Variants in HECW1 observed in about 807,000 individuals in gnomAD.
The protein encoded by HECW1 is E3 ubiquitin-protein ligase HECW1.
In HECW1, 61 loss-of-function variants were observed where a neutral mutation model predicts 182.3. The observed-to-expected ratio is 0.33, with a 90% CI of 0.27 to 0.41. HECW1 has a LOEUF of 0.41. Among genes scored for constraint, HECW1 ranks in the 10% least tolerant of loss-of-function variants. The pLI, the probability that HECW1 is intolerant of heterozygous loss-of-function variation, is 1.00. For missense variants in HECW1, 1,739 were observed against 2,108.9 expected (o/e 0.82, Z 3.44); for synonymous variants, 859 against 832.6 (o/e 1.03, Z -0.55).
At chr7:43,426,022 G>T (rs2076353153) in intron 8 of HECW1, among the ~76,000 whole-genome samples, 1 of 152,134 alleles carries the variant, frequency 6.6e-6, no homozygotes, top group African/African-American at 2.4e-5. Context: ...AAGGATTATG[G>T]CTGCATTGTT....
chr7:43,268,168 T>A (rs7803038), intron 3 of HECW1, among the ~76,000 whole-genome samples: 1 of 152,058 alleles, frequency 6.6e-6, no homozygotes, highest in Admixed American at 6.5e-5. Flanking sequence ...GTGTGCAGAG[T>A]CTCTGCCCTC....
At chr7:43,114,781 A>G (rs1157805210) in intron 2 of HECW1, among the ~76,000 whole-genome samples, 1 of 152,082 alleles carries the variant, frequency 6.6e-6, no homozygotes, top group Non-Finnish European at 1.5e-5. Context: ...AAGTTTGTTT[A>G]GATTGTGACA....
chr7:43,338,661 T>A (rs1012671573), intron 5 of HECW1, among the ~76,000 whole-genome samples: 3 of 152,190 alleles, frequency 2.0e-5, no homozygotes, highest in Non-Finnish European at 4.4e-5. Context: ...CACAGAAAAG[T>A]GCACAAATTT....
rs957150949 is a variant in HECW1, at chr7:43,432,288, C to G, written c.802-5715C>G. Among the ~76,000 whole-genome samples the G allele has an allele frequency of 1.3e-5, 2 of 151,536 alleles. No individual in the cohort carries two copies. Among genetic ancestry groups the G allele is most frequent in the African/African-American group, 4.9e-5 (2 of 41,228 alleles). On this transcript the variant is annotated intron_variant, in intron 8 of 29. Transcript: ENST00000395891. The surrounding 1 kb of genome is among the most constrained non-coding windows in gnomAD (Gnocchi z 4.1). ...CCAAGTAGCTGGGACTACAGGCGCC[C>G]GCCACTACACCCGGCTAATTTTTTG...
intron 3 of HECW1, among the ~76,000 whole-genome samples, chr7:43,280,055 A>T (rs1803688688): frequency 6.6e-6 from 1 of 152,204 alleles, no homozygotes; most frequent in African/African-American, 2.4e-5. Flanking sequence ...GGGTGGTCTC[A>T]GCATGGAAAG....
At chr7:43,544,892 A>T (rs192174736) in intron 26 of HECW1, among the ~76,000 whole-genome samples, 231 of 152,328 alleles carry the variant, frequency 1.5e-3, no homozygotes, top group African/African-American at 5.2e-3. Flanking sequence ...TGGCATGAAA[A>T]ATGTCTAAGA....
At chr7:43,320,844 G>A in intron 5 of HECW1, 102 bp downstream of exon 5, 1 of 846,882 alleles carries the variant, frequency 1.2e-6, no homozygotes, top group Non-Finnish European at 2.0e-6. Context: ...TAAGAAATGG[G>A]CCCTCTAAAA....
At chr7:43,244,120 C>A (rs1405798387) in intron 3 of HECW1, among the ~76,000 whole-genome samples, 188 bp downstream of exon 3, 2 of 152,140 alleles carry the variant, frequency 1.3e-5, no homozygotes, top group Non-Finnish European at 2.9e-5. Flanking sequence ...CCCCAGAATT[C>A]GACTGTGCTC....
At chr7:43,160,246 A>G (rs896007620) in intron 2 of HECW1, among the ~76,000 whole-genome samples, 4 of 152,166 alleles carry the variant, frequency 2.6e-5, no homozygotes, top group African/African-American at 9.7e-5. Context: ...CCTTTTATAC[A>G]TATTTTCAAT....
intron 3 of HECW1, among the ~76,000 whole-genome samples, chr7:43,296,801 C>T (rs1806113436): frequency 6.6e-6 from 1 of 152,202 alleles, no homozygotes; most frequent in African/African-American, 2.4e-5. Flanking sequence ...TTGCGGCCTC[C>T]ACAGCTCTGC....
intron 8 of HECW1, among the ~76,000 whole-genome samples, chr7:43,423,864 T>C (rs1332265479): frequency 6.6e-6 from 1 of 152,180 alleles, no homozygotes; most frequent in Non-Finnish European, 1.5e-5. Context: ...AGTGACATCC[T>C]GTAAGACTGA....
At chr7:43,216,167 A>G (rs1374450422) in intron 2 of HECW1, among the ~76,000 whole-genome samples, 1 of 151,876 alleles carries the variant, frequency 6.6e-6, no homozygotes, top group Non-Finnish European at 1.5e-5. Context: ...TTTTTTTGAG[A>G]CAGAGTCTTG....
In HECW1 at chr7:43,173,231, C is replaced by T. The variant is rs559557638; in HGVS notation, c.-32+58840C>T. 1.8e-3 allele frequency among the ~76,000 whole-genome samples: 267 copies of T among 151,924 alleles called. 1 individual carries two copies. Among genetic ancestry groups the T allele is most frequent in the Middle Eastern group, 0.014 (4 of 294 alleles). Reference sequence around the variant, plus strand: ...ACCTGCAAATGGTGACTAAAAAAGACGCAGAGGAAAATTAAAGGGCCACTT... The same window carrying T: ...ACCTGCAAATGGTGACTAAAAAAGATGCAGAGGAAAATTAAAGGGCCACTT... On this transcript the variant is annotated intron_variant, in intron 2 of 29. Coordinates refer to ENST00000395891, the MANE Select transcript of HECW1 (RefSeq NM_015052.5).
chr7:43,332,942 A>G (rs1811681478), intron 5 of HECW1, among the ~76,000 whole-genome samples: 1 of 152,202 alleles, frequency 6.6e-6, no homozygotes, highest in African/African-American at 2.4e-5. Context: ...CCGGTCCCAT[A>G]GTCACAGGTA....
chr7:43,196,444 C>G (rs530004515), intron 2 of HECW1, among the ~76,000 whole-genome samples: 1 of 152,224 alleles, frequency 6.6e-6, no homozygotes, highest in East Asian at 1.9e-4. Context: ...TCAATTGTTC[C>G]GTTTTGCATA....
intron 2 of HECW1, among the ~76,000 whole-genome samples, chr7:43,223,523 G>A (rs1175696779): frequency 6.6e-6 from 1 of 152,102 alleles, no homozygotes; most frequent in Non-Finnish European, 1.5e-5. Context: ...GGAGGCCGAG[G>A]CAGGAGAATC....
At chr7:43,141,877 G>A (rs773998304) in intron 2 of HECW1, among the ~76,000 whole-genome samples, 2 of 152,210 alleles carry the variant, frequency 1.3e-5, no homozygotes, top group African/African-American at 4.8e-5. Context: ...CAGCATGGGT[G>A]TACTGGCGAC....
Position 43,327,617 on chromosome 7 carries a change from T to G in HECW1, c.460+6875T>G, listed in dbSNP as rs544760435. Among the ~76,000 whole-genome samples the G allele has an allele frequency of 3.9e-5, 6 of 152,314 alleles. 1 individual carries two copies. Among genetic ancestry groups the G allele is most frequent in the African/African-American group, 1.2e-4 (5 of 41,576 alleles). The stretch of plus-strand genomic sequence containing the variant: ...ACCTCGTACTCATGTTGGTCTTCCC[T>G]TCGTTATTTCCTTCCAGTTTTGCTT... On this transcript the variant is annotated intron_variant, in intron 5 of 29. Coordinates refer to ENST00000395891, the MANE Select transcript of HECW1 (RefSeq NM_015052.5).
Position 43,501,202 on chromosome 7 carries a change from T to TTTAAAA in HECW1, c.3522-10_3522-9insTAAAAT. ...TTCTTTCTTTTTTTTTTTTTTTTTT[T>TTTAAAA]TCATATGCAGTCTCTTTGAAGAAGA... On this transcript the variant is annotated splice_polypyrimidine_tract_variant and intron_variant, in intron 20 of 29. Coordinates refer to ENST00000395891, the MANE Select transcript of HECW1 (RefSeq NM_015052.5). 8.4e-7 allele frequency: 1 copy of TTTAAAA among 1,184,180 alleles called. No individual in the cohort carries two copies. Among genetic ancestry groups the TTTAAAA allele is most frequent in the Non-Finnish European group, 1.2e-6 (1 of 828,532 alleles). The allele number at this position is 1,184,180 out of a possible 1,614,324, so 73.4% of individuals were successfully genotyped here.
Sources: allele counts gnomAD v4.1 joint callset (sites outside exome capture counted in the v4.1 genomes callset), GRCh38; gene constraint gnomAD v4.1.1; non-coding constraint Gnocchi (gnomAD v3.1); transcripts MANE v1.5; gene names NCBI Gene and HGNC (gene_info 2026-07-23, HGNC 2026-07-21).